Variants in PCBP3 observed in about 807,000 individuals in gnomAD.
PCBP3 encodes poly(rC)-binding protein 3.
Under a neutral mutation model 52.7 loss-of-function variants are expected in PCBP3, and 25 were observed. The observed-to-expected ratio is 0.47, with a 90% CI of 0.35 to 0.66. The LOEUF (loss-of-function observed/expected upper bound fraction) is 0.66, where lower values mean the gene tolerates loss of function less well. Ranked by LOEUF, PCBP3 falls within the 30% of genes least tolerant of loss-of-function variation. The probability of loss-of-function intolerance (pLI) is 0.01; values close to 1 mark genes in which losing one functional copy is unlikely to be tolerated. For missense variants in PCBP3, 391 were observed against 490.3 expected, an observed-to-expected ratio of 0.80 and a Z score of 1.91; for synonymous variants, 162 against 183.0, an observed-to-expected ratio of 0.89 and a Z score of 0.93.
intron 2 of PCBP3, among the ~76,000 whole-genome samples, chr21:45,707,963 A>G (rs1229926831): frequency 2.0e-5 from 3 of 152,322 alleles, no homozygotes; most frequent in African/African-American, 7.2e-5. Context: ...TGACCTGAGA[A>G]GCTTGCTCAA....
chr21:45,823,120 G>A (rs1022210897), intron 4 of PCBP3, among the ~76,000 whole-genome samples: 2 of 152,180 alleles, frequency 1.3e-5, no homozygotes, highest in African/African-American at 2.4e-5. Context: ...TCACATTGAC[G>A]TAGTGGGTGA....
chr21:45,849,312 TCTC>T (rs1294897683), intron 4 of PCBP3, among the ~76,000 whole-genome samples: 2 of 151,810 alleles, frequency 1.3e-5, no homozygotes, highest in Non-Finnish European at 2.9e-5. Context: ...TTCAAGCAAT[TCTC>T]CTGCCTCAGC....
intron 4 of PCBP3, among the ~76,000 whole-genome samples, chr21:45,758,432 G>C (rs1166795075): frequency 1.3e-5 from 2 of 152,152 alleles, no homozygotes; most frequent in Non-Finnish European, 2.9e-5. Flanking sequence ...AAGTCTTTCA[G>C]TCAGGAACAT....
chr21:45,677,457 A>G (rs1233158058), intron 2 of PCBP3, among the ~76,000 whole-genome samples: 2 of 152,250 alleles, frequency 1.3e-5, no homozygotes, highest in African/African-American at 4.8e-5. Flanking sequence ...TCCGTAACAT[A>G]AAAGTGCAAG....
At chr21:45,808,273 GA>G (rs1167882275) in intron 4 of PCBP3, among the ~76,000 whole-genome samples, 2 of 152,088 alleles carry the variant, frequency 1.3e-5, no homozygotes, top group African/African-American at 2.4e-5. Flanking sequence ...CATAATGGGA[GA>G]AAATTTTTGC....
chr21:45,770,055 G>T (rs965296196), intron 4 of PCBP3, among the ~76,000 whole-genome samples: 1 of 152,200 alleles, frequency 6.6e-6, no homozygotes, highest in East Asian at 1.9e-4. Context: ...CATGGTGAAC[G>T]CCGGGGGGTT....
intron 13 of PCBP3, among the ~76,000 whole-genome samples, chr21:45,926,075 C>G (rs139059916): frequency 1.3e-5 from 2 of 152,340 alleles, no homozygotes; most frequent in South Asian, 4.1e-4. Flanking sequence ...GGAATCGTAT[C>G]GACCACACTC....
chr21:45,942,095 T>G lies in PCBP3; in HGVS notation c.*389T>G. 5.4e-6 allele frequency: 1 copy of G among 186,438 alleles called. No homozygotes were observed. Among genetic ancestry groups the G allele is most frequent in the Non-Finnish European group, 1.1e-5 (1 of 90,842 alleles). 11.5% of individuals were successfully genotyped at this position (186,438 alleles called of 1,614,324 possible). On this transcript the variant is annotated 3_prime_UTR_variant, in exon 18 of 18. Transcript: ENST00000681687. Reference sequence around the variant, plus strand: ...TGCCATCCAGAACCGTCCAGAACTGTTGCCTGAGACCCCTCCTCTCTCACA... The same window carrying G: ...TGCCATCCAGAACCGTCCAGAACTGGTGCCTGAGACCCCTCCTCTCTCACA...
At chr21:45,816,117 G>A (rs1379252136) in intron 4 of PCBP3, among the ~76,000 whole-genome samples, 1 of 149,646 alleles carries the variant, frequency 6.7e-6, no homozygotes, top group Non-Finnish European at 1.5e-5. Context: ...GGTGAGTGGT[G>A]AGTGAGTGGT....
chr21:45,916,189 T>C (rs2073376392), intron 12 of PCBP3: 1 of 152,280 alleles, frequency 6.6e-6, no homozygotes, highest in African/African-American at 2.4e-5. Flanking sequence ...TGAGCTCTTG[T>C]GGTTCAGCTC....
intron 3 of PCBP3, chr21:45,750,980 T>C (rs2087433526): frequency 1.3e-5 from 2 of 152,150 alleles, no homozygotes; most frequent in South Asian, 4.1e-4. Context: ...CTTCCTGTTA[T>C]CCCCACCCCT....
intron 5 of PCBP3, among the ~76,000 whole-genome samples, chr21:45,868,903 T>C (rs1217133786): frequency 6.6e-6 from 1 of 152,190 alleles, no homozygotes; most frequent in African/African-American, 2.4e-5. Context: ...GACACTTCTC[T>C]TTCAGATCCT....
chr21:45,933,383 G>C (rs2076537806), intron 15 of PCBP3, among the ~76,000 whole-genome samples: 1 of 152,194 alleles, frequency 6.6e-6, no homozygotes, highest in Admixed American at 6.5e-5. Flanking sequence ...TATATTATTT[G>C]CTTAACTTTA....
chr21:45,794,725 C>T (rs1009599132), intron 4 of PCBP3, among the ~76,000 whole-genome samples: 8 of 152,100 alleles, frequency 5.3e-5, no homozygotes, highest in South Asian at 2.1e-4. Flanking sequence ...GTTAGGAGTT[C>T]GAGACCAGCC....
chr21:45,899,118 G>A (rs930411068), intron 6 of PCBP3, among the ~76,000 whole-genome samples: 1 of 152,258 alleles, frequency 6.6e-6, no homozygotes, highest in Non-Finnish European at 1.5e-5. Context: ...CCTTGGGCTC[G>A]CCATCAGAAC....
chr21:45,928,153 G>T lies in PCBP3; in HGVS notation c.718-1764G>T, dbSNP rs1239088346. Among the ~76,000 whole-genome samples, 1 of 152,240 alleles carries T rather than the reference G, an allele frequency of 6.6e-6. No homozygotes were observed. The highest frequency in any genetic ancestry group is 1.5e-5 in the Non-Finnish European group (1 of 68,044). On this transcript the variant is annotated intron_variant, in intron 13 of 17. Transcript: ENST00000681687. The surrounding 1 kb of genome is among the most constrained non-coding windows in gnomAD (Gnocchi z 4.1). ...TGCTTCCTCCTCCTGCCCCCGCAGGGCCTCGTGTATCTCCGGGAGGTAGAC... is the reference window on the plus strand; with the variant it reads ...TGCTTCCTCCTCCTGCCCCCGCAGGTCCTCGTGTATCTCCGGGAGGTAGAC...
intron 2 of PCBP3, among the ~76,000 whole-genome samples, chr21:45,731,579 T>C (rs1416897896): frequency 6.6e-6 from 1 of 152,242 alleles, no homozygotes; most frequent in Non-Finnish European, 1.5e-5. Context: ...GGAACTTTTC[T>C]TAAACAACAA....
At position 45,855,087 on chromosome 21, in the gene PCBP3, TC is replaced by T. The variant is rs1162040396; in HGVS notation, c.10+4994del. Among the ~76,000 whole-genome samples the T allele has an allele frequency of 4.6e-5, 7 of 151,778 alleles. 1 individual carries two copies. Among genetic ancestry groups the T allele is most frequent in the South Asian group, 4.2e-4 (2 of 4,804 alleles). On this transcript the variant is annotated intron_variant, in intron 5 of 17. Transcript: ENST00000681687. The stretch of plus-strand genomic sequence containing the variant: ...GTGGTGCCAGGAATGGCCAAGGGGG[TC>T]CGCAGGGGCCCCCAGGCTCCACCAC...
At chr21:45,911,242 T>TG in intron 11 of PCBP3, 1 of 653,594 alleles carries the variant, frequency 1.5e-6, no homozygotes, top group Non-Finnish European at 2.8e-6. Flanking sequence ...AGTGTCTTCG[T>TG]GGGGGCGTCT....
Sources: gnomAD v4.1 joint callset for allele counts (sites outside exome capture counted in the v4.1 genomes callset) on GRCh38, gnomAD v4.1.1 for gene constraint, Gnocchi (gnomAD v3.1) non-coding constraint, MANE v1.5 for transcripts, NCBI Gene and HGNC (gene_info 2026-07-23, HGNC 2026-07-21) for gene names.